FAM228B: variants seen among roughly 807,000 people sequenced by gnomAD.
FAM228B encodes protein FAM228B.
Under a neutral mutation model 42.6 loss-of-function variants are expected in FAM228B, and 38 were observed. The observed-to-expected ratio is 0.89, with a 90% confidence interval of 0.69 to 1.17. The LOEUF (loss-of-function observed/expected upper bound fraction) is 1.17. Among genes scored for constraint, FAM228B ranks in the 50% most tolerant of loss-of-function variants. The pLI is 0.00. For synonymous variants in FAM228B, 109 were observed against 122.3 expected (o/e 0.89, Z 0.72); for missense variants, 344 against 367.3 (o/e 0.94, Z 0.52).
intron 3 of FAM228B, among the ~76,000 whole-genome samples, chr2:24,098,756 G>T (rs1341008336): frequency 6.6e-6 from 1 of 152,196 alleles, no homozygotes; most frequent in Non-Finnish European, 1.5e-5. Context: ...AATAGAAAAA[G>T]AGGGAATCCT....
At chr2:24,121,902 T>C (rs1461495378), upstream of FAM228B, among the ~76,000 whole-genome samples, 1 of 152,220 alleles carries the variant, frequency 6.6e-6, no homozygotes, top group African/African-American at 2.4e-5. Context: ...TTCCAGGCAG[T>C]AGAACTGTGA....
intron 2 of FAM228B, among the ~76,000 whole-genome samples, chr2:24,134,136 T>C (rs1171193411): frequency 3.3e-5 from 5 of 152,346 alleles, no homozygotes; most frequent in Non-Finnish European, 5.9e-5. Context: ...TGTTTAATTA[T>C]AATTTTACAT....
rs1666546242 is a variant in FAM228B at position 24,135,009 on chromosome 2, T to A, written c.100-110T>A. 5.8e-6 allele frequency: 4 copies of A among 685,736 alleles called. No homozygotes were observed. The South Asian group carries it at 7.4e-5, about 13-fold the overall frequency. The allele number at this position is 685,736 out of a possible 1,614,324, so 42.5% of individuals were successfully genotyped here. The stretch of plus-strand genomic sequence containing the variant: ...TATGATTTGGAGGAAACAAACTGCA[T>A]GCATAGAGAACTTTCCAGGGATATG... On this transcript the variant is annotated intron_variant, in intron 2 of 10. Transcript: ENST00000615575.
chr2:24,082,701 C>T (rs565038022), intron 2 of FAM228B, among the ~76,000 whole-genome samples: 3 of 152,312 alleles, frequency 2.0e-5, no homozygotes, highest in African/African-American at 7.2e-5. Flanking sequence ...TATCCAGACC[C>T]TCTATCTGCT....
Position 24,146,954 on chromosome 2 carries a change from T to G in FAM228B, c.554T>G (p.Phe185Cys). ...ETGKIYSIKE[F>C]KEVEKVQLHS... ...GGCAAAATATATTCAATAAAGGAAT[T>G]CAAAGAAGTTGAGAAGGTTCAGCTG... Residue 185 changes from phenylalanine to cysteine, a missense_variant, in exon 7 of 11, where the codon TTC becomes TGC. By Grantham distance (205) the Phe-to-Cys change is radical. Coordinates refer to ENST00000615575, the MANE Select transcript of FAM228B (RefSeq NM_001145710.2). 1 of 1,551,386 alleles carries G rather than the reference T, an allele frequency of 6.4e-7. No individual in the cohort carries two copies. Among genetic ancestry groups the G allele is most frequent in the Non-Finnish European group, 8.7e-7 (1 of 1,146,798 alleles).
upstream of FAM228B, among the ~76,000 whole-genome samples, chr2:24,121,829 G>T (rs1024908648): frequency 6.6e-6 from 1 of 152,174 alleles, no homozygotes; most frequent in African/African-American, 2.4e-5. Flanking sequence ...CTCTGCACAT[G>T]CTGGCTCCCC....
intron 5 of FAM228B, among the ~76,000 whole-genome samples, chr2:24,145,855 A>G (rs1213909213): frequency 6.6e-6 from 1 of 151,598 alleles, no homozygotes; most frequent in African/African-American, 2.4e-5. Flanking sequence ...CGCCTGGCTA[A>G]ATTTTTTGTA....
intron 3 of FAM228B, among the ~76,000 whole-genome samples, chr2:24,098,678 T>G (rs980860063): frequency 8.5e-5 from 13 of 152,152 alleles, no homozygotes; most frequent in Admixed American, 2.6e-4. Flanking sequence ...ACCAGATAGA[T>G]TCACAGCCAA....
chr2:24,156,213 G>T (rs1181061751), intron 7 of FAM228B, among the ~76,000 whole-genome samples: 2 of 152,162 alleles, frequency 1.3e-5, no homozygotes, highest in African/African-American at 2.4e-5. Flanking sequence ...GTCATCTTTT[G>T]CATCTAACTT....
At chr2:24,140,269 C>T (rs957449710) in intron 5 of FAM228B, among the ~76,000 whole-genome samples, 7 of 152,098 alleles carry the variant, frequency 4.6e-5, no homozygotes, top group Non-Finnish European at 7.4e-5. Context: ...CTCTGCCTCC[C>T]GGGTTCAAGA....
At chr2:24,126,448 G>A (rs541450762) in intron 2 of FAM228B, among the ~76,000 whole-genome samples, 45 of 152,246 alleles carry the variant, frequency 3.0e-4, no homozygotes, top group African/African-American at 1.1e-3. Context: ...CTGATTATGA[G>A]CATCTTTTCA....
In FAM228B at chr2:24,101,520, AAAT is replaced by A. The variant is rs1481763400; in HGVS notation, c.-121+6298_-121+6300del. ...TGATCAAAACAATATGTATTATTTT[AAAT>A]AATAATTATTAAACATAAAACGTAA... On this transcript the variant is annotated intron_variant, in intron 3 of 10. Transcript: ENST00000613899. Among the ~76,000 whole-genome samples, 7 of 152,234 alleles carry A rather than the reference AAAT, an allele frequency of 4.6e-5. No individual in the cohort carries two copies. The South Asian group carries it at 8.3e-4, about 18-fold the overall frequency.
intron 2 of FAM228B, among the ~76,000 whole-genome samples, chr2:24,092,447 G>C (rs1489205849): frequency 2.0e-5 from 3 of 150,868 alleles, no homozygotes; most frequent in African/African-American, 7.3e-5. Context: ...GTGGTGGCAT[G>C]TGCCTGTAAT....
chr2:24,168,787 G>A (rs1319003278), intron 10 of FAM228B, among the ~76,000 whole-genome samples: 1 of 152,118 alleles, frequency 6.6e-6, no homozygotes, highest in Non-Finnish European at 1.5e-5. Flanking sequence ...TTCCACAGGT[G>A]AGGAGGCAGC....
intron 3 of FAM228B, among the ~76,000 whole-genome samples, chr2:24,106,480 C>T (rs370115801): frequency 1.1e-4 from 16 of 151,884 alleles, no homozygotes; most frequent in African/African-American, 3.9e-4. Flanking sequence ...CCACTATGAC[C>T]AGCTAATTTT....
rs775952421 is a variant in FAM228B, at chr2:24,077,971, T to C, written c.-290+1002T>C. Among the ~76,000 whole-genome samples the C allele has an allele frequency of 6.6e-6, 1 of 152,174 alleles. No individual in the cohort carries two copies. Among genetic ancestry groups the C allele is most frequent in the Admixed American group, 6.5e-5 (1 of 15,270 alleles). ...ATGTCCGATAGGTATATTGTTAATT[T>C]TGAGGTGAAAGCATTGGAGAAATTG... On this transcript the variant is annotated intron_variant, in intron 1 of 10. Transcript: ENST00000613899. This position sits in a 1 kb window ranked among gnomAD's most constrained non-coding sequence, Gnocchi z 5.5.
chr2:24,119,192 G>C (rs992680932), upstream of FAM228B, among the ~76,000 whole-genome samples: 1 of 150,884 alleles, frequency 6.6e-6, no homozygotes, highest in East Asian at 2.0e-4. Context: ...CCCCTATCCT[G>C]CCCCACCTAC....
chr2:24,163,502 G>C (rs150166540), intron 8 of FAM228B, among the ~76,000 whole-genome samples: 1 of 152,274 alleles, frequency 6.6e-6, no homozygotes, highest in South Asian at 2.1e-4. Flanking sequence ...GTAGCTGAAG[G>C]CCTTAAAAGA....
chr2:24,128,785 G>T (rs1666376391), intron 2 of FAM228B, among the ~76,000 whole-genome samples: 1 of 151,962 alleles, frequency 6.6e-6, no homozygotes. Context: ...CTTGGACACA[G>T]CAGGATTCTT....
Sources: gnomAD v4.1 joint callset for allele counts (sites outside exome capture counted in the v4.1 genomes callset) on GRCh38, gnomAD v4.1.1 for gene constraint, Gnocchi (gnomAD v3.1) non-coding constraint, MANE v1.5 for transcripts, NCBI Gene and HGNC (gene_info 2026-07-23, HGNC 2026-07-21) for gene names.